Variants in KIDINS220 observed in about 807,000 individuals in gnomAD.
KIDINS220 encodes kinase D interacting substrate 220.
A neutral mutation model predicts 157.6 loss-of-function variants in KIDINS220; 63 were observed. That is an observed-to-expected ratio of 0.40 (90% confidence interval 0.33 to 0.49). The LOEUF is 0.49. KIDINS220 is among the 20% of genes least tolerant of loss of function. The pLI, the probability that KIDINS220 is intolerant of heterozygous loss-of-function variation, is 0.66. For missense variants in KIDINS220, 1,772 were observed against 2,171.2 expected (o/e 0.82, Z 3.65); for synonymous variants, 732 against 783.6 (o/e 0.93, Z 1.10).
rs114160913 is a variant in KIDINS220, at chr2:8,767,062, T to C, written c.3011+3608A>G. ...CATTTATTTCTGTCCAGATAAAACA[T>C]GATTTCTATTATAGATGACACAATC... On this transcript the variant is annotated intron_variant, in intron 22 of 29. Transcript: ENST00000256707. Among the ~76,000 whole-genome samples, 959 of 152,334 alleles carry C rather than the reference T, an allele frequency of 6.3e-3. 16 individuals carry two copies. The highest frequency in any genetic ancestry group is 0.022 in the African/African-American group (904 of 41,578).
chr2:8,817,854 A>G (rs1025332577), intron 3 of KIDINS220, 138 bp from the exon 4 acceptor site: 5 of 495,906 alleles, frequency 1.0e-5, no homozygotes, highest in East Asian at 6.3e-5. Context: ...AAACTACTCT[A>G]AAGTCATACT....
Position 8,748,934 on chromosome 2 carries a change from C to T in KIDINS220, c.3415-934G>A, listed in dbSNP as rs141728440. Reference sequence around the variant, plus strand: ...ATCTTTCATTTTTTAAAATAAGCTTCTCAGTTTCAAATTTTCAGTTGGTAT... The same window carrying T: ...ATCTTTCATTTTTTAAAATAAGCTTTTCAGTTTCAAATTTTCAGTTGGTAT... On this transcript the variant is annotated intron_variant, in intron 24 of 29. Transcript: ENST00000256707. Among the ~76,000 whole-genome samples the T allele has an allele frequency of 2.3e-3, 344 of 152,234 alleles. 1 individual carries two copies. The highest frequency in any genetic ancestry group is 3.8e-3 in the Non-Finnish European group (256 of 68,000).
chr2:8,798,343 A>G (rs573162927), intron 9 of KIDINS220, 43 bp from the exon 10 acceptor site: 6 of 1,116,472 alleles, frequency 5.4e-6, no homozygotes, highest in Admixed American at 1.8e-5. Flanking sequence ...GTAAGATACA[A>G]TATTTAAAAC....
In KIDINS220 at chr2:8,736,860, T is replaced by A. The variant is rs1553306896; in HGVS notation, c.3717+8A>T. On this transcript the variant is annotated splice_region_variant and intron_variant, in intron 27 of 29. Transcript: ENST00000256707. ...TGTCTCTGGTCCGTGTGTAAGTGGC[T>A]GCCTCACCTTTTTGATCGTGGTACA... The A allele has an allele frequency of 6.2e-7, 1 of 1,614,052 alleles. No individual in the cohort carries two copies. The highest frequency in any genetic ancestry group is 8.5e-7 in the Non-Finnish European group (1 of 1,179,936).
In KIDINS220 at chr2:8,729,025, T is replaced by C. The variant is rs1469431163; in HGVS notation, c.*1695A>G. The C allele has an allele frequency of 3.1e-6, 3 of 981,642 alleles. No homozygotes were observed. The highest frequency in any genetic ancestry group is 3.6e-6 in the Non-Finnish European group (3 of 826,116). 60.8% of individuals were successfully genotyped at this position (981,642 alleles called of 1,614,324 possible). On this transcript the variant is annotated 3_prime_UTR_variant, in exon 30 of 30. Coordinates refer to ENST00000256707, the MANE Select transcript of KIDINS220 (RefSeq NM_020738.4). The stretch of plus-strand genomic sequence containing the variant: ...GTATAAAGAATGTACTCCAATGATA[T>C]TACGCGGCAACTACTCACCTGAAAA...
rs191292022 is a variant in KIDINS220, at chr2:8,806,959, G to A, written c.505-590C>T. On this transcript the variant is annotated intron_variant, in intron 6 of 29. Coordinates refer to ENST00000256707, the MANE Select transcript of KIDINS220 (RefSeq NM_020738.4). ...CCCAAATTTTCAACAAGCTTTCATC[G>A]CTTCCCATATCTTATGAAACAGAAT... is the stretch of plus-strand genomic sequence containing the variant. Among the ~76,000 whole-genome samples the A allele has an allele frequency of 2.7e-4, 41 of 152,202 alleles. 1 individual carries two copies. The highest frequency in any genetic ancestry group is 9.6e-4 in the African/African-American group (40 of 41,522).
At chr2:8,769,103 T>G (rs1273864323) in intron 22 of KIDINS220, among the ~76,000 whole-genome samples, 1 of 152,194 alleles carries the variant, frequency 6.6e-6, no homozygotes, top group Non-Finnish European at 1.5e-5. Context: ...GTTGGTTTAA[T>G]GGCAAAGCAA....
chr2:8,806,464 A>G, intron 6 of KIDINS220, 95 bp from the exon 7 acceptor site: 2 of 743,520 alleles, frequency 2.7e-6, no homozygotes, highest in Non-Finnish European at 4.3e-6. Context: ...CTTACTTTTT[A>G]TCATTCTCAT....
rs201460104 is a variant in KIDINS220 at position 8,789,981 on chromosome 2, A to T, written c.1520T>A (p.Leu507Gln). ...FSWLIVFLTLLLCGGLGLLFA... is the reference protein window; with the variant it reads ...FSWLIVFLTLQLCGGLGLLFA... ...CAATAAACCAAGCCCTCCACAAAGT[A>T]GCAGGGTAAGAAACACTATGAGCCA... The change falls in exon 14 of 30, where the codon CTA becomes CAA. Residue 507 changes from leucine (L) to glutamine (Q), a missense_variant. Leu to Gln is a moderately radical substitution (Grantham distance 113). Transcript: ENST00000256707. The T allele has an allele frequency of 1.1e-5, 18 of 1,613,754 alleles. 1 individual carries two copies. The African/African-American group carries it at 1.3e-4, about 12-fold the overall frequency.
At chr2:8,761,052 T>C (rs754737774) in intron 22 of KIDINS220, among the ~76,000 whole-genome samples, 2 of 152,202 alleles carry the variant, frequency 1.3e-5, no homozygotes, top group Non-Finnish European at 2.9e-5. Context: ...GCCTGCTTTT[T>C]GGCATCAAGA....
intron 22 of KIDINS220, among the ~76,000 whole-genome samples, chr2:8,767,313 C>T (rs1558377858): frequency 6.6e-6 from 1 of 151,966 alleles, no homozygotes; most frequent in East Asian, 1.9e-4. Flanking sequence ...CCAATACCTA[C>T]AAATAAGTCA....
intron 26 of KIDINS220, among the ~76,000 whole-genome samples, chr2:8,743,826 T>C (rs542073189): frequency 3.5e-4 from 54 of 152,294 alleles, no homozygotes; most frequent in African/African-American, 1.3e-3. Context: ...GGAGTTTTGA[T>C]TAAGAGTTCA....
intron 22 of KIDINS220, among the ~76,000 whole-genome samples, chr2:8,764,298 C>T (rs1288349585): frequency 5.3e-5 from 8 of 152,154 alleles, no homozygotes; most frequent in Non-Finnish European, 1.0e-4. Flanking sequence ...GTACAATCCA[C>T]ACTACTTGGA....
chr2:8,781,153 A>AT (rs70946383), intron 17 of KIDINS220, among the ~76,000 whole-genome samples: 19 of 130,394 alleles, frequency 1.5e-4, no homozygotes, highest in Non-Finnish European at 2.4e-4. Flanking sequence ...ATATATATAT[A>AT]ATATATATAT....
chr2:8,783,561 ACT>A (rs893259073), intron 17 of KIDINS220, among the ~76,000 whole-genome samples: 4 of 152,120 alleles, frequency 2.6e-5, no homozygotes, highest in African/African-American at 9.7e-5. Context: ...AGATGACTTG[ACT>A]CTCTATGTAG....
chr2:8,785,373 A>G (rs1272812880), intron 17 of KIDINS220, among the ~76,000 whole-genome samples: 3 of 152,164 alleles, frequency 2.0e-5, no homozygotes, highest in African/African-American at 7.2e-5. Flanking sequence ...AGCCCACAGA[A>G]TGTACCACAC....
At chr2:8,733,720 C>A (rs374005293) in intron 28 of KIDINS220, 40 bp from the exon 29 acceptor site, 20 of 1,264,246 alleles carry the variant, frequency 1.6e-5, no homozygotes, top group South Asian at 3.3e-5. Context: ...ACTAACAAAT[C>A]ATATTTTAGA....
chr2:8,769,019 C>T (rs718763), intron 22 of KIDINS220, among the ~76,000 whole-genome samples: 18,293 of 152,100 alleles, frequency 0.12, 1,478 homozygotes, highest in African/African-American at 0.23. Flanking sequence ...AGAAGAAAAG[C>T]ATCTCAAAAT....
At chr2:8,733,382 C>A in intron 29 of KIDINS220, 62 bp downstream of exon 29, 1 of 1,348,608 alleles carries the variant, frequency 7.4e-7, no homozygotes, top group South Asian at 1.3e-5. Flanking sequence ...CCCATATAAT[C>A]TCAGTGAACT....
Sources: gnomAD v4.1 joint callset for allele counts (sites outside exome capture counted in the v4.1 genomes callset) on GRCh38, gnomAD v4.1.1 for gene constraint, MANE v1.5 for transcripts, NCBI Gene and HGNC (gene_info 2026-07-23, HGNC 2026-07-21) for gene names.